CDCA5: variants seen among roughly 807,000 people sequenced by gnomAD.
CDCA5 encodes the protein cell division cycle associated 5, also known as sororin.
CDCA5 carries 14 observed loss-of-function variants against 25.7 expected under a neutral mutation model. The ratio of observed to expected loss-of-function variants is 0.54; its 90% CI spans 0.36 to 0.85. The LOEUF is 0.85. Ranked by LOEUF, CDCA5 falls within the 40% of genes least tolerant of loss-of-function variation. The probability of loss-of-function intolerance (pLI) is 0.01; values close to 1 mark genes in which losing one functional copy is unlikely to be tolerated. For synonymous variants in CDCA5, 127 were observed against 128.7 expected (o/e 0.99, Z 0.09); for missense variants, 307 against 324.5 (o/e 0.95, Z 0.41).
At chr11:65,063,147 C>T (rs1219628802), downstream of CDCA5, among the ~76,000 whole-genome samples, 3 of 152,224 alleles carry the variant, frequency 2.0e-5, no homozygotes. Flanking sequence ...TGGGTAAGCC[C>T]CACCAGACTG....
chr11:65,061,622 A>G (rs2137048895), downstream of CDCA5, among the ~76,000 whole-genome samples: 1 of 151,938 alleles, frequency 6.6e-6, no homozygotes, highest in Non-Finnish European at 1.5e-5. Context: ...AAAATACAAA[A>G]AAATTAGCCG....
chr11:65,076,200 C>G (rs538719673), downstream of CDCA5, among the ~76,000 whole-genome samples: 1 of 152,182 alleles, frequency 6.6e-6, no homozygotes, highest in Non-Finnish European at 1.5e-5. Context: ...ACTGTAGCCC[C>G]GACCTCCCAG....
chr11:65,064,062 G>A (rs1198409750), downstream of CDCA5, among the ~76,000 whole-genome samples: 1 of 152,134 alleles, frequency 6.6e-6, no homozygotes, highest in Non-Finnish European at 1.5e-5. Flanking sequence ...TCCATTTCCT[G>A]CAGCCAAGCA....
At chr11:65,066,182 G>C, downstream of CDCA5, 1 of 291,084 alleles carries the variant, frequency 3.4e-6, no homozygotes, top group East Asian at 1.1e-4. Flanking sequence ...GAATGGGTGA[G>C]CTGAGGGAGT....
At chr11:65,068,209 TC>T (rs1273039731) in intron 2 of CDCA5, 2 of 850,732 alleles carry the variant, frequency 2.4e-6, no homozygotes, top group East Asian at 1.3e-4. Flanking sequence ...CCTTGCCATC[TC>T]CCTGTCTTTC....
At chr11:65,072,885 T>G (rs1046006602), downstream of CDCA5, among the ~76,000 whole-genome samples, 1 of 151,852 alleles carries the variant, frequency 6.6e-6, no homozygotes, top group African/African-American at 2.4e-5. Context: ...TACTTGAAAA[T>G]TGTTCATTGA....
intron 4 of CDCA5, among the ~76,000 whole-genome samples, chr11:65,081,867 C>T (rs1389239651): frequency 6.6e-6 from 1 of 151,968 alleles, no homozygotes; most frequent in Non-Finnish European, 1.5e-5. Flanking sequence ...ATAGTCCCAG[C>T]TACTTGAGAG....
At chr11:65,076,686 T>C (rs1947452087), downstream of CDCA5, among the ~76,000 whole-genome samples, 1 of 152,118 alleles carries the variant, frequency 6.6e-6, no homozygotes, top group South Asian at 2.1e-4. Context: ...CACCTGCCTG[T>C]AGGGTCCTAG....
chr11:65,070,234 G>A lies in CDCA5; in HGVS notation c.64-1633C>T, dbSNP rs541377201. Reference sequence around the variant, plus strand: ...ATAGTTCAGAGGGTGAGTGGAAGGCGTAGACACTGGGGCCAGGATGCCAAG... The same window carrying A: ...ATAGTTCAGAGGGTGAGTGGAAGGCATAGACACTGGGGCCAGGATGCCAAG... On this transcript the variant is annotated intron_variant, in intron 1 of 6. Coordinates refer to the CDCA5 transcript ENST00000525464. 1.7e-4 allele frequency among the ~76,000 whole-genome samples: 26 copies of A among 152,330 alleles called. No homozygotes were observed. The South Asian group carries it at 5.0e-3, about 29-fold the overall frequency.
chr11:65,066,492 C>A, intron 6 of CDCA5: 1 of 1,288,920 alleles, frequency 7.8e-7, no homozygotes, highest in Non-Finnish European at 1.0e-6. Flanking sequence ...AGAGACAGCT[C>A]GAGTGAGCAG....
chr11:65,072,938 C>CTTTTTTTTT (rs751923442), downstream of CDCA5, among the ~76,000 whole-genome samples: 3 of 99,958 alleles, frequency 3.0e-5, no homozygotes, highest in East Asian at 2.8e-4. Context: ...TTATTTCATT[C>CTTTTTTTTT]TTTTTTTTTT....
At chr11:65,075,484 T>A (rs1214424266), downstream of CDCA5, among the ~76,000 whole-genome samples, 1 of 147,244 alleles carries the variant, frequency 6.8e-6, no homozygotes, top group Non-Finnish European at 1.5e-5. Flanking sequence ...GTGCAGACAG[T>A]GTGGAGATAC....
At chr11:65,061,888 C>T (rs536441420), downstream of CDCA5, among the ~76,000 whole-genome samples, 5 of 151,252 alleles carry the variant, frequency 3.3e-5, no homozygotes, top group Admixed American at 1.3e-4. Context: ...AACCCATCCC[C>T]GAACTCTTGT....
chr11:65,066,536 A>G (rs775379839), intron 6 of CDCA5: 5 of 1,289,282 alleles, frequency 3.9e-6, no homozygotes, highest in Middle Eastern at 2.1e-4. Context: ...CCCCGCTGCC[A>G]TGGCTGCCCG....
the CDCA5 span, among the ~76,000 whole-genome samples, chr11:65,061,219 A>G: frequency 6.6e-6 from 1 of 152,178 alleles, no homozygotes; most frequent in Non-Finnish European, 1.5e-5. Flanking sequence ...GACAGGCCTC[A>G]TGGTGAGGCG....
At position 65,083,702 on chromosome 11, in the gene CDCA5, G is replaced by T; in HGVS notation, c.68C>A (p.Thr23Asn). Reference protein sequence around the residue: ...QRSGPRAPSPTKPLRRSQRKS... With the variant: ...QRSGPRAPSPNKPLRRSQRKS... ...CCGCTGGGACCTCCGCAGAGGCTTA[G>T]TAGGAGATGGGGCCCTTGGCCCTGG... is the stretch of plus-strand genomic sequence containing the variant. Residue 23 changes from threonine to asparagine, a missense_variant, in exon 2 of 6, where the codon ACT becomes AAT. Physicochemically the swap from Thr to Asn is moderately conservative, Grantham distance 65. Transcript: ENST00000275517. 2 of 1,614,006 alleles carry T rather than the reference G, an allele frequency of 1.2e-6. No homozygotes were observed. Among genetic ancestry groups the T allele is most frequent in the Middle Eastern group, 1.7e-4 (1 of 6,058 alleles).
chr11:65,065,076 C>T (rs888528968), downstream of CDCA5, among the ~76,000 whole-genome samples: 1 of 152,074 alleles, frequency 6.6e-6, no homozygotes, highest in African/African-American at 2.4e-5. Flanking sequence ...CTACAGTGAA[C>T]ATAAGGCAAA....
At chr11:65,067,936 G>T in intron 3 of CDCA5, 1 of 982,546 alleles carries the variant, frequency 1.0e-6, no homozygotes, top group Non-Finnish European at 1.4e-6. Context: ...GGGGTGGGGA[G>T]AAACACCATC....
At chr11:65,063,209 A>T (rs569866745), downstream of CDCA5, among the ~76,000 whole-genome samples, 17 of 152,312 alleles carry the variant, frequency 1.1e-4, no homozygotes, top group Non-Finnish European at 2.1e-4. Flanking sequence ...GTGCCCTCAC[A>T]AGATGGGGAT....
Sources: allele counts gnomAD v4.1 joint callset (sites outside exome capture counted in the v4.1 genomes callset), GRCh38; gene constraint gnomAD v4.1.1; transcripts MANE v1.5; gene names NCBI Gene and HGNC (gene_info 2026-07-23, HGNC 2026-07-21).